Variants in NEB observed in about 807,000 individuals in gnomAD.
NEB encodes nemaline myopathy type 2.
In NEB, 512 loss-of-function variants were observed where a neutral mutation model predicts 952.2. That is an observed-to-expected ratio of 0.54 (90% CI 0.50 to 0.58). The LOEUF (loss-of-function observed/expected upper bound fraction) is 0.58. Ranked by LOEUF, NEB falls within the 20% of genes least tolerant of loss-of-function variation. The pLI is 0.00. For synonymous variants in NEB, 2,900 were observed against 3,149.8 expected (o/e 0.92, Z 2.66); for missense variants, 8,428 against 9,231.1 (o/e 0.91, Z 3.56).
chr2:151,561,359 GTCA>G lies in NEB; in HGVS notation c.18997-50_18997-48del, dbSNP rs1449235985. ...ATCAAAAATGGTAACATACAGGTCTGTCATCAGCTGTAGCTGCTTGTGCCAACT... is the reference window on the plus strand; with the variant it reads ...ATCAAAAATGGTAACATACAGGTCTGTCAGCTGTAGCTGCTTGTGCCAACT... On this transcript the variant is annotated intron_variant, in intron 121 of 181. Transcript: ENST00000397345. The G allele has an allele frequency of 4.5e-6, 6 of 1,328,174 alleles. No individual in the cohort carries two copies. The South Asian group carries it at 7.5e-5, about 17-fold the overall frequency. The allele number at this position is 1,328,174 out of a possible 1,614,324, so 82.3% of individuals were successfully genotyped here.
chr2:151,651,049 AG>A (rs2099023664), intron 52 of NEB, among the ~76,000 whole-genome samples, 164 bp from the exon 53 acceptor site: 1 of 151,954 alleles, frequency 6.6e-6, no homozygotes. Context: ...CCTCCCTAGT[AG>A]CTGGGATTTA....
rs199683595 is a variant in NEB at position 151,609,879 on chromosome 2, T to G, written c.12260A>C (p.His4087Pro). Residue 4087 changes from histidine (H) to proline (P), a missense_variant, in exon 81 of 182, where the codon CAT becomes CCT. By Grantham distance (77) the His-to-Pro change is moderately conservative. Transcript: ENST00000397345. ...VTDIDYRNYLHEWTCMPDQND... is the reference protein window; with the variant it reads ...VTDIDYRNYLPEWTCMPDQND... ...TTGATCCGGCATGCATGTCCATTCA[T>G]GCAGGTAATTGCGATAATCAATGTC... 13 of 1,612,984 alleles carry G rather than the reference T, an allele frequency of 8.1e-6. No individual in the cohort carries two copies. The highest frequency in any genetic ancestry group is 1.0e-5 in the Non-Finnish European group (12 of 1,179,032).
At position 151,576,237 on chromosome 2, in the gene NEB, TC is replaced by T; in HGVS notation, c.16821del (p.Thr5608ArgfsTer4). 1 of 1,611,446 alleles carries T rather than the reference TC, an allele frequency of 6.2e-7. No homozygotes were observed. Among genetic ancestry groups the T allele is most frequent in the Non-Finnish European group, 8.5e-7 (1 of 1,178,240 alleles). On this transcript the variant is annotated frameshift_variant, in exon 106 of 182. Coordinates refer to ENST00000397345, the MANE Select transcript of NEB (RefSeq NM_001164508.2). LOFTEE classifies it high-confidence loss of function. ...AQNIFCDSVY[R>X]TPVVNLKYTS... ...GTGTACTTAAGGTTCACCACAGGCGTCCGATAGACACTGTCACAAAAGATAT... is the reference window on the plus strand; with the variant it reads ...GTGTACTTAAGGTTCACCACAGGCGTCGATAGACACTGTCACAAAAGATAT...
chr2:151,506,196 T>G lies in NEB; in HGVS notation c.23619A>C (p.Arg7873Ser). The change falls in exon 164 of 182, where the codon AGA becomes AGC. Residue 7873 changes from arginine (R) to serine (S), a missense_variant. Coordinates refer to ENST00000397345, the MANE Select transcript of NEB (RefSeq NM_001164508.2). The part of the protein sequence containing the change: ...TAIGKTPEMM[R>S]VKQTQDHISS... Reference sequence around the variant, plus strand: ...TAATGTGGTCCTGTGTTTGTTTCACTCTCATCATCTCAGGTGTCTTTCCGA... The same window carrying G: ...TAATGTGGTCCTGTGTTTGTTTCACGCTCATCATCTCAGGTGTCTTTCCGA... 6.2e-7 allele frequency: 1 copy of G among 1,613,660 alleles called. No individual in the cohort carries two copies. The highest frequency in any genetic ancestry group is 8.5e-7 in the Non-Finnish European group (1 of 1,179,520).
intron 10 of NEB, among the ~76,000 whole-genome samples, chr2:151,710,916 T>TA (rs1456603417): frequency 5.3e-5 from 8 of 152,224 alleles, no homozygotes; most frequent in African/African-American, 1.9e-4. Flanking sequence ...ACTTAGCCGT[T>TA]AATTTCTAAG....
chr2:151,619,145 C>T (rs2098314779), intron 73 of NEB, among the ~76,000 whole-genome samples: 1 of 152,118 alleles, frequency 6.6e-6, no homozygotes, highest in Non-Finnish European at 1.5e-5. Flanking sequence ...CTTCCTTAGC[C>T]AAAAGTTTGC....
rs562792360 is a variant in NEB at position 151,530,940 on chromosome 2, C to T, written c.21630+54G>A. 49 of 1,196,398 alleles carry T rather than the reference C, an allele frequency of 4.1e-5. No homozygotes were observed. In the African/African-American group the frequency reaches 7.0e-4, roughly 17 times the overall value. The allele number at this position is 1,196,398 out of a possible 1,614,324, so 74.1% of individuals were successfully genotyped here. ...ATAACTGGACCAGGGTTTGTTACATCTCATTAGAAGGAGGCCAAGATGAGA... is the reference window on the plus strand; with the variant it reads ...ATAACTGGACCAGGGTTTGTTACATTTCATTAGAAGGAGGCCAAGATGAGA... On this transcript the variant is annotated intron_variant, in intron 145 of 181. Transcript: ENST00000397345.
At chr2:151,575,935 C>CA in intron 106 of NEB, 136 bp from the exon 107 acceptor site, 1 of 783,120 alleles carries the variant, frequency 1.3e-6, no homozygotes, top group East Asian at 2.5e-5. Context: ...GGAATCTTTT[C>CA]ACGTAAGTTA....
chr2:151,654,196 C>T, intron 51 of NEB, 97 bp from the exon 52 acceptor site: 2 of 597,094 alleles, frequency 3.3e-6, no homozygotes, highest in Admixed American at 3.4e-5. Flanking sequence ...AATATCAGAT[C>T]GAACATCATC....
chr2:151,496,246 A>C, intron 173 of NEB, 30 bp downstream of exon 173: 4 of 1,524,820 alleles, frequency 2.6e-6, no homozygotes, highest in Non-Finnish European at 3.6e-6. Flanking sequence ...TAAAATCAGT[A>C]AGTAGTTTTT....
chr2:151,514,183 T>C (rs2076319663), intron 159 of NEB, 135 bp downstream of exon 159: 1 of 659,472 alleles, frequency 1.5e-6, no homozygotes, highest in Non-Finnish European at 2.7e-6. Flanking sequence ...AACAATTATG[T>C]TGATATGGAA....
intron 119 of NEB, 90 bp from the exon 120 acceptor site, chr2:151,562,898 T>G (rs553595417): frequency 2.5e-6 from 2 of 784,360 alleles, no homozygotes; most frequent in South Asian, 2.0e-5. Context: ...CCCATATAGA[T>G]CAGTATCTCT....
intron 38 of NEB, among the ~76,000 whole-genome samples, chr2:151,670,425 C>CTCAGAATGAGA (rs2099271079): frequency 6.7e-6 from 1 of 150,350 alleles, no homozygotes; most frequent in African/African-American, 2.5e-5. Flanking sequence ...GAATAAGAGT[C>CTCAGAATGAGA]CATACAGACG....
In NEB at chr2:151,531,308, CTTTTTTTT is replaced by C. The variant is rs1159075000; in HGVS notation, c.21523-215_21523-208del. 3.5e-4 allele frequency among the ~76,000 whole-genome samples: 29 copies of C among 84,028 alleles called. No homozygotes were observed. The Admixed American group carries it at 4.4e-3, about 13-fold the overall frequency. The allele number at this position is 84,028 out of a possible 152,430, so 55.1% of individuals were successfully genotyped here. ...TCACAACAACTCTCTTTTTTTCTTT[CTTTTTTTT>C]TTTTTTTTTTTTTTTTTTGAGACAG... On this transcript the variant is annotated intron_variant, in intron 144 of 181. Transcript: ENST00000397345.
chr2:151,529,899 C>T (rs1357058423), intron 145 of NEB, among the ~76,000 whole-genome samples: 2 of 152,248 alleles, frequency 1.3e-5, no homozygotes, highest in African/African-American at 4.8e-5. Context: ...TCAGGTTTTC[C>T]TTTCCCCAAA....
chr2:151,645,972 G>A (rs1001429366), intron 55 of NEB, among the ~76,000 whole-genome samples, 158 bp downstream of exon 55: 3 of 152,126 alleles, frequency 2.0e-5, no homozygotes, highest in Admixed American at 6.5e-5. Context: ...CTAACATTTC[G>A]ATATTCAATC....
intron 4 of NEB, among the ~76,000 whole-genome samples, chr2:151,729,078 AG>A (rs971959019): frequency 2.1e-4 from 31 of 148,282 alleles, no homozygotes; most frequent in Non-Finnish European, 3.0e-5. Context: ...GAAAAAAAAA[AG>A]AGCTTGAACG....
At chr2:151,519,139 T>C (rs965072188) in intron 154 of NEB, 70 bp from the exon 155 acceptor site, 1 of 939,892 alleles carries the variant, frequency 1.1e-6, no homozygotes, top group Non-Finnish European at 1.7e-6. Flanking sequence ...GAAATCAAAG[T>C]GAGATAGCCC....
chr2:151,562,542 G>C, intron 120 of NEB, 69 bp downstream of exon 120: 3 of 1,396,860 alleles, frequency 2.1e-6, no homozygotes, highest in Non-Finnish European at 2.9e-6. Context: ...TGGCAGCCAG[G>C]GTTGGGGGGT....
Sources: allele counts gnomAD v4.1 joint callset (sites outside exome capture counted in the v4.1 genomes callset), GRCh38; gene constraint gnomAD v4.1.1; transcripts MANE v1.5; gene names NCBI Gene and HGNC (gene_info 2026-07-23, HGNC 2026-07-21).